The following TRAPPC9 variants were observed in gnomAD, a reference collection of about 807,000 sequenced individuals.
TRAPPC9 encodes the protein trafficking protein particle complex subunit 9, also known as IKK2 binding protein.
Under a neutral mutation model 124.0 loss-of-function variants are expected in TRAPPC9, and 83 were observed. The observed-to-expected ratio is 0.67, with a 90% confidence interval of 0.56 to 0.80. The LOEUF (loss-of-function observed/expected upper bound fraction) is 0.80, where lower values mean the gene tolerates loss of function less well. Among genes scored for constraint, TRAPPC9 ranks in the 30% least tolerant of loss-of-function variants. The probability of loss-of-function intolerance (pLI) is 0.00; values close to 1 mark genes in which losing one functional copy is unlikely to be tolerated. For synonymous variants in TRAPPC9, 638 were observed against 617.5 expected, an observed-to-expected ratio of 1.03 and a Z score of -0.49; for missense variants, 1,302 against 1,508.3, an observed-to-expected ratio of 0.86 and a Z score of 2.27.
intron 17 of TRAPPC9, among the ~76,000 whole-genome samples, chr8:140,140,682 A>G (rs897349701): frequency 2.6e-5 from 4 of 152,272 alleles, no homozygotes; most frequent in Non-Finnish European, 4.4e-5. Flanking sequence ...CCACATAGCT[A>G]TCTTCGTAAA....
intron 17 of TRAPPC9, among the ~76,000 whole-genome samples, chr8:140,217,574 C>A (rs1304080501): frequency 6.7e-6 from 1 of 150,280 alleles, no homozygotes; most frequent in South Asian, 2.1e-4. Context: ...TAAATATACC[C>A]CCTACAGCTG....
At chr8:140,416,508 C>G (rs1402701690) in intron 5 of TRAPPC9, among the ~76,000 whole-genome samples, 1 of 152,158 alleles carries the variant, frequency 6.6e-6, no homozygotes, top group Non-Finnish European at 1.5e-5. Context: ...ATACAACTTA[C>G]AAGGGATGTG....
Position 140,152,626 on chromosome 8 carries a change from C to G in TRAPPC9, c.2556+68833G>C, listed in dbSNP as rs1352463953. ...CTCGTGATCCACCCGCCTCGGCCTC[C>G]CAAAGTGCTGGGATTACAGGCATGA... On this transcript the variant is annotated intron_variant, in intron 17 of 22. Transcript: ENST00000438773. Among the ~76,000 whole-genome samples the G allele has an allele frequency of 4.6e-5, 7 of 152,112 alleles. No homozygotes were observed. In the South Asian group the frequency reaches 1.0e-3, roughly 23 times the overall value.
chr8:140,107,434 T>C (rs548255039), intron 17 of TRAPPC9, among the ~76,000 whole-genome samples: 1 of 152,276 alleles, frequency 6.6e-6, no homozygotes, highest in East Asian at 1.9e-4. Flanking sequence ...GTCCCCACCC[T>C]CAAGACAACT....
chr8:140,396,138 C>CA lies in TRAPPC9; in HGVS notation c.1134+1481_1134+1482insT, dbSNP rs760056077. Among the ~76,000 whole-genome samples, 550 of 83,360 alleles carry CA rather than the reference C, an allele frequency of 6.6e-3. 3 individuals carry two copies. Among genetic ancestry groups the CA allele is most frequent in the Middle Eastern group, 0.011 (1 of 90 alleles). The allele number at this position is 83,360 out of a possible 152,430, so 54.7% of individuals were successfully genotyped here. ...TCAGTCCCTGATGTTAAGACCTTGCCTTTTTTTTTTTTTTTTTTTTGAGAC... is the reference window on the plus strand; with the variant it reads ...TCAGTCCCTGATGTTAAGACCTTGCCATTTTTTTTTTTTTTTTTTTTGAGAC... On this transcript the variant is annotated intron_variant, in intron 7 of 22. Coordinates refer to ENST00000438773, the MANE Select transcript of TRAPPC9 (RefSeq NM_001160372.4).
At chr8:140,326,602 G>A (rs1033169277) in intron 9 of TRAPPC9, among the ~76,000 whole-genome samples, 1 of 152,224 alleles carries the variant, frequency 6.6e-6, no homozygotes. Context: ...ATGGCCAGGT[G>A]TGATGGCTCA....
intron 18 of TRAPPC9, among the ~76,000 whole-genome samples, chr8:140,020,404 T>A (rs913609997): frequency 1.3e-5 from 2 of 152,168 alleles, no homozygotes; most frequent in Non-Finnish European, 2.9e-5. Flanking sequence ...AGCAGGAGGA[T>A]TGCTTGAGGC....
At chr8:139,808,871 A>T (rs917392523) in intron 21 of TRAPPC9, among the ~76,000 whole-genome samples, 1 of 152,154 alleles carries the variant, frequency 6.6e-6, no homozygotes, top group Non-Finnish European at 1.5e-5. Flanking sequence ...TGGATAGGTA[A>T]ACAAAAACAC....
intron 21 of TRAPPC9, among the ~76,000 whole-genome samples, chr8:139,858,395 C>T (rs1008916955): frequency 2.0e-5 from 3 of 152,240 alleles, no homozygotes; most frequent in Non-Finnish European, 2.9e-5. Flanking sequence ...TGCTGAGACC[C>T]AGGCCAGCTC....
chr8:140,002,392 A>G (rs1281290075), intron 18 of TRAPPC9, among the ~76,000 whole-genome samples: 1 of 152,142 alleles, frequency 6.6e-6, no homozygotes, highest in Non-Finnish European at 1.5e-5. Flanking sequence ...CATTTTTCCC[A>G]AGTTAATTCA....
chr8:139,998,841 C>G (rs1485929256), intron 18 of TRAPPC9, among the ~76,000 whole-genome samples: 1 of 152,014 alleles, frequency 6.6e-6, no homozygotes, highest in Non-Finnish European at 1.5e-5. Context: ...CATTATACAA[C>G]TAAGACATGA....
intron 17 of TRAPPC9, among the ~76,000 whole-genome samples, chr8:140,057,133 T>C (rs1368912909): frequency 2.0e-5 from 3 of 152,112 alleles, no homozygotes; most frequent in Non-Finnish European, 4.4e-5. Context: ...ATCAAAAACA[T>C]GACGATACAT....
chr8:139,876,456 T>C (rs1829327569), intron 21 of TRAPPC9, among the ~76,000 whole-genome samples: 1 of 152,216 alleles, frequency 6.6e-6, no homozygotes, highest in Non-Finnish European at 1.5e-5. Context: ...GGTCAGGCTC[T>C]AGTCTGTCTC....
chr8:140,033,687 T>TG (rs1840688736), intron 17 of TRAPPC9, among the ~76,000 whole-genome samples: 3 of 119,430 alleles, frequency 2.5e-5, no homozygotes, highest in Non-Finnish European at 5.0e-5. Flanking sequence ...TTTTTTTTTT[T>TG]TTTTTTTTTT....
At chr8:139,749,039 C>T (rs984764243) in intron 21 of TRAPPC9, among the ~76,000 whole-genome samples, 4 of 152,132 alleles carry the variant, frequency 2.6e-5, no homozygotes, top group Non-Finnish European at 5.9e-5. Context: ...GTAGAAATGA[C>T]GACTTCAATT....
At chr8:140,226,301 T>C (rs2063449803) in intron 16 of TRAPPC9, among the ~76,000 whole-genome samples, 1 of 152,146 alleles carries the variant, frequency 6.6e-6, no homozygotes, top group Admixed American at 6.5e-5. Flanking sequence ...GTTATAAAGA[T>C]CCAGCTATGG....
Position 140,068,173 on chromosome 8 carries a change from C to T in TRAPPC9, c.2557-44094G>A, listed in dbSNP as rs545252413. Among the ~76,000 whole-genome samples, 54 of 152,060 alleles carry T rather than the reference C, an allele frequency of 3.6e-4. 1 individual carries two copies. Among genetic ancestry groups the T allele is most frequent in the Non-Finnish European group, 2.1e-4 (14 of 68,020 alleles). ...TCACCCTCACGGCCCCAGTGCTATG[C>T]GTGCCACCCAGTAATAGAGCAGAGC... On this transcript the variant is annotated intron_variant, in intron 17 of 22. Transcript: ENST00000438773.
chr8:140,235,288 T>C (rs995710371), intron 16 of TRAPPC9, among the ~76,000 whole-genome samples: 1 of 152,184 alleles, frequency 6.6e-6, no homozygotes, highest in African/African-American at 2.4e-5. Flanking sequence ...TTTATAATTT[T>C]TAGTTAAGAA....
In TRAPPC9 at chr8:140,161,907, A is replaced by G. The variant is rs541956973; in HGVS notation, c.2556+59552T>C. ...GAGCAGCGGCATGGTGCAGAGACAC[A>G]CACAAAGAGGCCTGGTTGCAGGCAG... On this transcript the variant is annotated intron_variant, in intron 17 of 22. Transcript: ENST00000438773. 2.4e-3 allele frequency among the ~76,000 whole-genome samples: 373 copies of G among 152,246 alleles called. 1 individual carries two copies. Among genetic ancestry groups the G allele is most frequent in the African/African-American group, 8.5e-3 (354 of 41,546 alleles).
Sources: gnomAD v4.1 joint callset for allele counts (sites outside exome capture counted in the v4.1 genomes callset) on GRCh38, gnomAD v4.1.1 for gene constraint, MANE v1.5 for transcripts, NCBI Gene and HGNC (gene_info 2026-07-23, HGNC 2026-07-21) for gene names.